Variants in VOPP1 observed in about 807,000 individuals in gnomAD.
VOPP1 encodes VOPP1 WW domain binding protein.
VOPP1 carries 8 observed loss-of-function variants against 23.5 expected under a neutral mutation model. The ratio of observed to expected loss-of-function variants is 0.34; its 90% CI spans 0.20 to 0.61. The LOEUF (loss-of-function observed/expected upper bound fraction) is 0.61. Ranked by LOEUF, VOPP1 falls within the 20% of genes least tolerant of loss-of-function variation. VOPP1 has a pLI of 0.78. For synonymous variants in VOPP1, 83 were observed against 97.3 expected (o/e 0.85, Z 0.86); for missense variants, 174 against 238.1 (o/e 0.73, Z 1.77).
chr7:55,497,287 T>G (rs1794020803), intron 3 of VOPP1, among the ~76,000 whole-genome samples: 1 of 152,214 alleles, frequency 6.6e-6, no homozygotes, highest in African/African-American at 2.4e-5. Flanking sequence ...ATTTTCTGAT[T>G]CTTCAAGACA....
chr7:55,459,234 T>C (rs1023046580), intron 4 of VOPP1, among the ~76,000 whole-genome samples: 4 of 152,184 alleles, frequency 2.6e-5, no homozygotes, highest in East Asian at 1.9e-4. Flanking sequence ...CACTTGACCA[T>C]AGTATATTAT....
At chr7:55,537,196 C>T (rs1796847876) in intron 1 of VOPP1, among the ~76,000 whole-genome samples, 2 of 152,294 alleles carry the variant, frequency 1.3e-5, no homozygotes, top group South Asian at 4.1e-4. Context: ...CCTGTCCCAA[C>T]CAGGCCTGCA....
chr7:55,440,941 G>T (rs1218258434), intron 4 of VOPP1, among the ~76,000 whole-genome samples: 2 of 152,172 alleles, frequency 1.3e-5, no homozygotes, highest in East Asian at 3.8e-4. Context: ...CATGTTCAGG[G>T]ATCAAAGAGG....
At chr7:55,525,421 G>A (rs1353727854) in intron 1 of VOPP1, among the ~76,000 whole-genome samples, 2 of 151,634 alleles carry the variant, frequency 1.3e-5, no homozygotes, top group Non-Finnish European at 2.9e-5. Context: ...CTCGGGAGGC[G>A]GAGCTTGCAG....
At chr7:55,550,548 T>C (rs1797561385) in intron 1 of VOPP1, among the ~76,000 whole-genome samples, 1 of 152,202 alleles carries the variant, frequency 6.6e-6, no homozygotes, top group African/African-American at 2.4e-5. Flanking sequence ...TAGAAATCCA[T>C]CCTTTAAAAA....
At chr7:55,463,099 CTTAATT>C (rs1791546714) in intron 4 of VOPP1, among the ~76,000 whole-genome samples, 1 of 152,092 alleles carries the variant, frequency 6.6e-6, no homozygotes, top group Non-Finnish European at 1.5e-5. Flanking sequence ...TTGATATTAT[CTTAATT>C]TTAAAATTTG....
intron 4 of VOPP1, among the ~76,000 whole-genome samples, chr7:55,479,634 A>G (rs1200626156): frequency 6.6e-6 from 1 of 152,160 alleles, no homozygotes; most frequent in Non-Finnish European, 1.5e-5. Flanking sequence ...GCAATATTAA[A>G]TATTATTAAA....
At chr7:55,497,570 GCAGA>G in intron 3 of VOPP1, 39 bp downstream of exon 3, 2 of 1,220,544 alleles carry the variant, frequency 1.6e-6, no homozygotes, top group Non-Finnish European at 1.1e-6. Context: ...GGGGGGGGGG[GCAGA>G]GCTCTCGGGG....
At chr7:55,514,584 A>G (rs955314553) in intron 2 of VOPP1, among the ~76,000 whole-genome samples, 1 of 152,214 alleles carries the variant, frequency 6.6e-6, no homozygotes, top group Non-Finnish European at 1.5e-5. Context: ...CACAGAAGGT[A>G]TAAAAATCAG....
intron 4 of VOPP1, among the ~76,000 whole-genome samples, chr7:55,486,288 T>A (rs1449227386): frequency 6.6e-6 from 1 of 152,178 alleles, no homozygotes; most frequent in Non-Finnish European, 1.5e-5. Context: ...CTGTGCAAAG[T>A]GTGTTATCTG....
chr7:55,549,739 A>C (rs2129053329), intron 1 of VOPP1, among the ~76,000 whole-genome samples: 1 of 152,318 alleles, frequency 6.6e-6, no homozygotes, highest in African/African-American at 2.4e-5. Flanking sequence ...CCCAAACAGT[A>C]CGTTCTAGGC....
chr7:55,527,903 TA>T (rs1207552641), intron 1 of VOPP1, among the ~76,000 whole-genome samples: 4 of 150,824 alleles, frequency 2.7e-5, no homozygotes, highest in Middle Eastern at 3.2e-3. Context: ...AAATTAGTAA[TA>T]AAAAAATCCC....
At chr7:55,515,860 A>G (rs1305169327) in intron 2 of VOPP1, 12 of 601,530 alleles carry the variant, frequency 2.0e-5, no homozygotes, top group Non-Finnish European at 2.5e-5. Context: ...AGTCGGCAGC[A>G]CTTTCTGGAC....
chr7:55,548,398 C>A (rs1797457404), intron 1 of VOPP1, among the ~76,000 whole-genome samples: 1 of 152,224 alleles, frequency 6.6e-6, no homozygotes, highest in African/African-American at 2.4e-5. Context: ...TCCTCAGAGG[C>A]TCCGCCCTCT....
chr7:55,504,927 A>G (rs2129030508), intron 2 of VOPP1, among the ~76,000 whole-genome samples: 1 of 152,332 alleles, frequency 6.6e-6, no homozygotes, highest in Admixed American at 6.5e-5. Context: ...CAAAACTTCC[A>G]AGTTCTTCTC....
chr7:55,546,334 G>A (rs767084571), intron 1 of VOPP1, among the ~76,000 whole-genome samples: 1 of 152,204 alleles, frequency 6.6e-6, no homozygotes. Context: ...TGTACAAAGA[G>A]AACACTTAAG....
intron 1 of VOPP1, among the ~76,000 whole-genome samples, chr7:55,528,501 A>T (rs1267080577): frequency 3.3e-5 from 5 of 152,208 alleles, no homozygotes; most frequent in Admixed American, 6.5e-5. Context: ...CCTGGTCAAC[A>T]TGGTAAAACC....
Position 55,472,913 on chromosome 7 carries a change from G to A in VOPP1, c.461C>T (p.Pro154Leu). 1.3e-6 allele frequency: 2 copies of A among 1,531,918 alleles called. No individual in the cohort carries two copies. Among genetic ancestry groups the A allele is most frequent in the Non-Finnish European group, 1.7e-6 (2 of 1,145,314 alleles). The allele number at this position is 1,531,918 out of a possible 1,614,324, so 94.9% of individuals were successfully genotyped here. Residue 154 changes from proline (P) to leucine (L), a missense_variant, in exon 5 of 5, where the codon CCT becomes CTT. Coordinates refer to ENST00000285279, the MANE Select transcript of VOPP1 (RefSeq NM_030796.5). ...SPQGSVACPP[P>L]PAYCNTPPPP... ...CGGAGGCGTGTTGCAGTAGGCTGGA[G>A]GGGGCGGGCAGGCCACACTCCCCTG...
At chr7:55,479,279 A>T (rs921201852) in intron 4 of VOPP1, among the ~76,000 whole-genome samples, 1 of 151,472 alleles carries the variant, frequency 6.6e-6, no homozygotes, top group African/African-American at 2.4e-5. Flanking sequence ...AGCGTTAGGT[A>T]TATCTCCTAA....
Sources: gnomAD v4.1 joint callset for allele counts (sites outside exome capture counted in the v4.1 genomes callset) on GRCh38, gnomAD v4.1.1 for gene constraint, MANE v1.5 for transcripts, NCBI Gene and HGNC (gene_info 2026-07-23, HGNC 2026-07-21) for gene names.